CFAP45: variants seen among roughly 807,000 people sequenced by gnomAD.
CFAP45 encodes cilia- and flagella-associated protein 45.
Under a neutral mutation model 75.6 loss-of-function variants are expected in CFAP45, and 43 were observed. The ratio of observed to expected loss-of-function variants is 0.57; its 90% confidence interval spans 0.45 to 0.73. CFAP45 has a LOEUF of 0.73. Among genes scored for constraint, CFAP45 ranks in the 30% least tolerant of loss-of-function variants. The probability of loss-of-function intolerance (pLI) is 0.00; values close to 1 mark genes in which losing one functional copy is unlikely to be tolerated. For missense variants in CFAP45, 689 were observed against 701.5 expected, an observed-to-expected ratio of 0.98 and a Z score of 0.20; for synonymous variants, 223 against 244.6, an observed-to-expected ratio of 0.91 and a Z score of 0.82.
At chr1:159,880,469 TG>T in intron 8 of CFAP45, 84 bp downstream of exon 8, 1 of 1,273,856 alleles carries the variant, frequency 7.9e-7, no homozygotes, top group Non-Finnish European at 1.1e-6. Flanking sequence ...TGCCTTCCAC[TG>T]GAGTTCCCTT....
At chr1:159,900,012 G>T in intron 1 of CFAP45, 84 bp downstream of exon 1, 1 of 1,529,704 alleles carries the variant, frequency 6.5e-7, no homozygotes, top group Non-Finnish European at 9.0e-7. Flanking sequence ...ACCCAACTGT[G>T]ACCTCCCCTA....
intron 3 of CFAP45, 74 bp from the exon 4 acceptor site, chr1:159,888,570 C>G: frequency 7.5e-7 from 1 of 1,340,188 alleles, no homozygotes. Context: ...CTTCTCTGCT[C>G]TCTTCCCCTC....
intron 10 of CFAP45, among the ~76,000 whole-genome samples, chr1:159,875,551 C>G (rs967941669): frequency 6.6e-6 from 1 of 152,206 alleles, no homozygotes; most frequent in African/African-American, 2.4e-5. Context: ...TCTGGCATGC[C>G]ACTAACTACC....
chr1:159,880,625 G>T lies in CFAP45; in HGVS notation c.973C>A (p.Gln325Lys). The T allele has an allele frequency of 6.2e-7, 1 of 1,613,862 alleles. No homozygotes were observed. Among genetic ancestry groups the T allele is most frequent in the East Asian group, 2.2e-5 (1 of 44,862 alleles). Residue 325 changes from glutamine to lysine, a missense_variant, in exon 8 of 12, where the codon CAG (glutamine) becomes AAG (lysine). Gln to Lys is a moderately conservative substitution (Grantham distance 53). Transcript: ENST00000368099. ...TCCTGAGCCAGCAGTTCTGCTTTCT[G>T]TTTCTGGTTTTCATCATTGATGCGC... Reference protein sequence around the residue: ...IKRINDENQKQKAELLAQEKL... With the variant: ...IKRINDENQKKKAELLAQEKL...
intron 1 of CFAP45, chr1:159,899,878 A>G: frequency 1.8e-6 from 1 of 554,954 alleles, no homozygotes; most frequent in Non-Finnish European, 3.3e-6. Context: ...TCCTCCGCTC[A>G]GCGCGCTCCA....
At chr1:159,876,900 T>C in intron 9 of CFAP45, 151 bp from the exon 10 acceptor site, 1 of 764,016 alleles carries the variant, frequency 1.3e-6, no homozygotes, top group East Asian at 2.7e-5. Flanking sequence ...TAGGAAAAGA[T>C]AAATGGAATC....
At position 159,872,685 on chromosome 1, in the gene CFAP45, C is replaced by T. The variant is rs758547553; in HGVS notation, c.1578-122G>A. The T allele has an allele frequency of 8.7e-5, 77 of 888,046 alleles. 1 individual carries two copies. Among genetic ancestry groups the T allele is most frequent in the Middle Eastern group, 8.4e-4 (3 of 3,564 alleles). 55.0% of individuals were successfully genotyped at this position (888,046 alleles called of 1,614,324 possible). A position where few individuals can be genotyped will look rare whatever the true frequency, so the allele number is the denominator to read the frequency against. On this transcript the variant is annotated intron_variant, in intron 11 of 11. Coordinates refer to ENST00000368099, the MANE Select transcript of CFAP45 (RefSeq NM_012337.3). ...CCTGCACCCCCCAACCCTGCTCTCA[C>T]AATCCACCCCCGAAACACACATTCA...
In CFAP45 at chr1:159,876,731, G is replaced by T. The variant is rs1483238059; in HGVS notation, c.1177C>A (p.Arg393Ser). ...QAEQDALRAK[R>S]NQEVADREWR... ...TCTCTGTCTGCAACCTCCTGGTTGC[G>T]CTTGGCCCGCAAGGCATCCTGGGAA... Residue 393 changes from arginine to serine, a missense_variant, in exon 10 of 12, where the codon CGC becomes AGC. By Grantham distance (110) the Arg-to-Ser change is moderately radical (BLOSUM62 -1). Coordinates refer to ENST00000368099, the MANE Select transcript of CFAP45 (RefSeq NM_012337.3). 4 of 1,613,980 alleles carry T rather than the reference G, an allele frequency of 2.5e-6. No individual in the cohort carries two copies. The highest frequency in any genetic ancestry group is 1.6e-4 in the Middle Eastern group (1 of 6,084).
At chr1:159,890,762 T>TC in intron 2 of CFAP45, 140 bp from the exon 3 acceptor site, 1 of 632,750 alleles carries the variant, frequency 1.6e-6, no homozygotes, top group Non-Finnish European at 2.5e-6. Context: ...CTTTTCTTTT[T>TC]TTTTTTTTTT....
chr1:159,877,875 A>AAAATAAAT (rs56408622), intron 8 of CFAP45, among the ~76,000 whole-genome samples: 83,328 of 148,798 alleles, frequency 0.56, 24,355 homozygotes, highest in Non-Finnish European at 0.64. Flanking sequence ...ACCTTGTCTC[A>AAAATAAAT]AAATAAATAA....
At chr1:159,894,867 G>A (rs1381001237) in intron 1 of CFAP45, among the ~76,000 whole-genome samples, 1 of 152,220 alleles carries the variant, frequency 6.6e-6, no homozygotes, top group Non-Finnish European at 1.5e-5. Context: ...CTGGCAGCCA[G>A]ACCCAGCGTC....
In CFAP45 at chr1:159,880,575, C is replaced by T. The variant is rs1229883341; in HGVS notation, c.1023G>A (p.Met341Ile). ...CTACCATCTTCTTCTTGGTAAACTCCATCACCATCTGGTCTGCCAGCTTCT... is the reference window on the plus strand; with the variant it reads ...CTACCATCTTCTTCTTGGTAAACTCTATCACCATCTGGTCTGCCAGCTTCT... Reference protein sequence around the residue: ...AQEKLADQMVMEFTKKKMARE... With the variant: ...AQEKLADQMVIEFTKKKMARE... The change falls in exon 8 of 12, where the codon ATG (methionine) becomes ATA (isoleucine). Residue 341 changes from methionine (M) to isoleucine (I), a missense_variant. Coordinates refer to ENST00000368099, the MANE Select transcript of CFAP45 (RefSeq NM_012337.3). 6.2e-7 allele frequency: 1 copy of T among 1,613,128 alleles called. No homozygotes were observed. The highest frequency in any genetic ancestry group is 1.1e-5 in the South Asian group (1 of 90,810).
At chr1:159,898,199 A>AC in intron 1 of CFAP45, 1 of 985,016 alleles carries the variant, frequency 1.0e-6, no homozygotes, top group Middle Eastern at 5.2e-4. Flanking sequence ...CATGCACGAG[A>AC]CCCCTTGCCT....
At chr1:159,879,780 G>A (rs571738531) in intron 8 of CFAP45, among the ~76,000 whole-genome samples, 3 of 152,206 alleles carry the variant, frequency 2.0e-5, no homozygotes, top group South Asian at 2.1e-4. Context: ...CTACTATAGA[G>A]GAGCATAGAG....
intron 10 of CFAP45, among the ~76,000 whole-genome samples, chr1:159,875,185 C>T (rs1032427748): frequency 5.3e-5 from 8 of 152,174 alleles, no homozygotes; most frequent in Admixed American, 3.9e-4. Flanking sequence ...ATAAATGGGT[C>T]GGCAGCAAAA....
rs1649397031 is a variant in CFAP45 at position 159,876,163 on chromosome 1, C to T, written c.1352+393G>A. On this transcript the variant is annotated intron_variant, in intron 10 of 11. Coordinates refer to ENST00000368099, the MANE Select transcript of CFAP45 (RefSeq NM_012337.3). ...AAAGTCCTGCTCCAGTGACTCACAA[C>T]CCTTAGTGTCTGAAGTTCTTTTCTC... The T allele has an allele frequency of 1.6e-5, 4 of 246,142 alleles. No individual in the cohort carries two copies. The South Asian group carries it at 2.3e-4, about 14-fold the overall frequency. 15.2% of individuals were successfully genotyped at this position (246,142 alleles called of 1,614,324 possible).
intron 1 of CFAP45, among the ~76,000 whole-genome samples, chr1:159,897,668 C>CA: frequency 6.6e-6 from 1 of 151,650 alleles, no homozygotes; most frequent in Admixed American, 6.6e-5. Context: ...AAAGCATGTT[C>CA]AAAAAAATGT....
At chr1:159,893,924 A>G (rs1350433098) in intron 1 of CFAP45, among the ~76,000 whole-genome samples, 1 of 151,498 alleles carries the variant, frequency 6.6e-6, no homozygotes, top group Non-Finnish European at 1.5e-5. Context: ...CATGTATACA[A>G]TGTATATTAA....
intron 10 of CFAP45, among the ~76,000 whole-genome samples, chr1:159,874,673 G>A (rs60384995): frequency 0.019 from 2,924 of 152,280 alleles, 90 homozygotes; most frequent in African/African-American, 0.065. Context: ...AAATCCAAAT[G>A]AGGATGAACC....
Sources: allele counts gnomAD v4.1 joint callset (sites outside exome capture counted in the v4.1 genomes callset), GRCh38; gene constraint gnomAD v4.1.1; transcripts MANE v1.5; gene names NCBI Gene and HGNC (gene_info 2026-07-23, HGNC 2026-07-21).